TANK: variants seen among roughly 807,000 people sequenced by gnomAD.
The protein encoded by TANK is TRAF family member associated NFKB activator, also known as TRAF family member-associated NF-kappa-B activator.
TANK carries 15 observed loss-of-function variants against 43.6 expected under a neutral mutation model. The observed-to-expected ratio is 0.34, with a 90% CI of 0.23 to 0.53. TANK has a LOEUF of 0.53. Among genes scored for constraint, TANK ranks in the 20% least tolerant of loss-of-function variants. TANK has a pLI of 0.94. For synonymous variants in TANK, 162 were observed against 178.2 expected, an observed-to-expected ratio of 0.91 and a Z score of 0.73; for missense variants, 417 against 498.6, an observed-to-expected ratio of 0.84 and a Z score of 1.56.
intron 1 of TANK, among the ~76,000 whole-genome samples, chr2:161,147,625 C>T (rs1036003333): frequency 3.3e-5 from 5 of 152,276 alleles, no homozygotes; most frequent in African/African-American, 9.6e-5. Context: ...CCTTCCTCTC[C>T]GAGGGTCACG....
At chr2:161,160,837 C>A in intron 1 of TANK, 1 of 527,104 alleles carries the variant, frequency 1.9e-6, no homozygotes, top group Non-Finnish European at 3.8e-6. Flanking sequence ...GCAGTGGACC[C>A]TCCAGGAACA....
At chr2:161,229,424 G>A (rs1330417136) in intron 6 of TANK, among the ~76,000 whole-genome samples, 1 of 152,190 alleles carries the variant, frequency 6.6e-6, no homozygotes, top group Non-Finnish European at 1.5e-5. Context: ...AGAATGAAGG[G>A]ATGGAGGGGA....
chr2:161,221,915 T>C (rs1208158254), intron 4 of TANK, among the ~76,000 whole-genome samples: 1 of 152,122 alleles, frequency 6.6e-6, no homozygotes, highest in African/African-American at 2.4e-5. Context: ...AGATACGTCA[T>C]AGGAATTCCT....
intron 7 of TANK, among the ~76,000 whole-genome samples, chr2:161,235,041 T>C (rs1423743926): frequency 6.7e-6 from 1 of 148,732 alleles, no homozygotes; most frequent in Non-Finnish European, 1.5e-5. Flanking sequence ...GTTCCAAAAC[T>C]ACTGCTGTTG....
chr2:161,209,789 A>G (rs1372087941), intron 4 of TANK, among the ~76,000 whole-genome samples: 1 of 152,214 alleles, frequency 6.6e-6, no homozygotes, highest in Non-Finnish European at 1.5e-5. Context: ...CATGATGTAT[A>G]CTTAACACTG....
At chr2:161,193,967 G>T (rs1379134647) in intron 2 of TANK, among the ~76,000 whole-genome samples, 3 of 152,148 alleles carry the variant, frequency 2.0e-5, no homozygotes, top group East Asian at 3.8e-4. Context: ...AAATTGCCTG[G>T]AGAGTTTCAA....
At chr2:161,204,117 G>A (rs527655333) in intron 3 of TANK, among the ~76,000 whole-genome samples, 74 of 150,530 alleles carry the variant, frequency 4.9e-4, no homozygotes, top group African/African-American at 1.8e-3. Context: ...AACAAAGCAG[G>A]ATACATAAAT....
At chr2:161,156,321 T>A (rs990814091), upstream of TANK, 8 of 985,344 alleles carry the variant, frequency 8.1e-6, no homozygotes, top group South Asian at 2.8e-4. Context: ...AATTTTGCCA[T>A]TGCATGTTGT....
chr2:161,140,232 G>A (rs1683703646), intron 1 of TANK, among the ~76,000 whole-genome samples: 1 of 152,072 alleles, frequency 6.6e-6, no homozygotes, highest in Non-Finnish European at 1.5e-5. Context: ...ATACTGTTGG[G>A]CCTTGGCATC....
At chr2:161,139,858 A>G (rs1383753511) in intron 1 of TANK, 57 of 985,332 alleles carry the variant, frequency 5.8e-5, no homozygotes, top group South Asian at 1.9e-4. Context: ...CTATTATGAC[A>G]GTGCTAGCTG....
upstream of TANK, among the ~76,000 whole-genome samples, chr2:161,156,529 A>T (rs1684231573): frequency 6.6e-6 from 1 of 152,108 alleles, no homozygotes; most frequent in Non-Finnish European, 1.5e-5. Context: ...TATTTTGAAG[A>T]CTCTCTTTCA....
At chr2:161,198,973 C>T (rs535113450) in intron 2 of TANK, among the ~76,000 whole-genome samples, 1 of 152,138 alleles carries the variant, frequency 6.6e-6, no homozygotes, top group African/African-American at 2.4e-5. Context: ...GGTTGCTGAT[C>T]CTGTTTGATC....
rs149311409 is a variant in TANK, at chr2:161,231,364, C to A, written c.914C>A (p.Thr305Lys). 73 of 1,614,162 alleles carry A rather than the reference C, an allele frequency of 4.5e-5. No individual in the cohort carries two copies. In the African/African-American group the frequency reaches 9.1e-4, roughly 20 times the overall value. ...PIASAIQNLK[T>K]TDKTKPSNLV... ...GCTTCAGCTATACAAAACCTTAAAA[C>A]AACTGACAAAACAAAGCCCTCAAAT... Residue 305 changes from threonine (T) to lysine (K), a missense_variant, in exon 7 of 8, where the codon ACA becomes AAA. Thr to Lys is a moderately conservative substitution (Grantham distance 78). Coordinates refer to ENST00000392749, the MANE Select transcript of TANK (RefSeq NM_001199135.3).
intron 2 of TANK, chr2:161,179,982 A>C (rs958935046): frequency 8.2e-7 from 1 of 1,223,032 alleles, no homozygotes; most frequent in Non-Finnish European, 1.0e-6. Flanking sequence ...GCTCCTTTTC[A>C]GGTGATTGTG....
chr2:161,145,885 G>A (rs574185954), intron 1 of TANK, among the ~76,000 whole-genome samples: 2 of 150,998 alleles, frequency 1.3e-5, no homozygotes, highest in South Asian at 4.1e-4. Flanking sequence ...CTAGGTTGGG[G>A]AAGTTCTCCT....
intron 4 of TANK, among the ~76,000 whole-genome samples, chr2:161,209,942 TTAAATA>T (rs1285860383): frequency 6.6e-6 from 1 of 152,224 alleles, no homozygotes; most frequent in African/African-American, 2.4e-5. Context: ...AGTTCACTAA[TTAAATA>T]GAGTTTATGT....
chr2:161,153,480 G>C (rs912389665), intron 1 of TANK, among the ~76,000 whole-genome samples: 3 of 151,842 alleles, frequency 2.0e-5, no homozygotes, highest in Admixed American at 2.0e-4. Flanking sequence ...TTGAGCTCAG[G>C]AGTTTAATAC....
chr2:161,206,458 ATAAC>A (rs1686658213), intron 4 of TANK, among the ~76,000 whole-genome samples: 1 of 152,186 alleles, frequency 6.6e-6, no homozygotes, highest in Non-Finnish European at 1.5e-5. Flanking sequence ...TACTGATTGC[ATAAC>A]TAAGACTATC....
chr2:161,169,804 A>G (rs1321281831), intron 1 of TANK, among the ~76,000 whole-genome samples: 1 of 152,142 alleles, frequency 6.6e-6, no homozygotes, highest in African/African-American at 2.4e-5. Flanking sequence ...CCATTTTCTA[A>G]TTCTGTGCCT....
Sources: allele counts gnomAD v4.1 joint callset (sites outside exome capture counted in the v4.1 genomes callset), GRCh38; gene constraint gnomAD v4.1.1; transcripts MANE v1.5; gene names NCBI Gene and HGNC (gene_info 2026-07-23, HGNC 2026-07-21).